PTGFR: variants seen among roughly 807,000 people sequenced by gnomAD.
PTGFR encodes prostaglandin F2-alpha receptor.
PTGFR carries 15 observed loss-of-function variants against 26.2 expected under a neutral mutation model. The observed-to-expected ratio is 0.57, with a 90% CI of 0.38 to 0.88. PTGFR has a LOEUF of 0.88. PTGFR is among the 40% of genes least tolerant of loss of function. The probability of loss-of-function intolerance (pLI) is 0.00; values close to 1 mark genes in which losing one functional copy is unlikely to be tolerated. For synonymous variants in PTGFR, 165 were observed against 151.1 expected (o/e 1.09, Z -0.68); for missense variants, 369 against 427.2 (o/e 0.86, Z 1.20).
At chr1:78,532,964 A>G (rs940398995) in intron 2 of PTGFR, among the ~76,000 whole-genome samples, 1 of 152,156 alleles carries the variant, frequency 6.6e-6, no homozygotes, top group Non-Finnish European at 1.5e-5. Flanking sequence ...AGGCTAATGT[A>G]GTCCTGGAGG....
Position 78,492,752 on chromosome 1 carries a change from G to T in PTGFR, c.9G>T (p.Met3Ile), listed in dbSNP as rs868713919. The part of the protein sequence containing the change: MS[M>I]NNSKQLVSPA... Reference sequence around the variant, plus strand: ...CTTTTATCTCCACAACAATGTCCATGAACAATTCCAAACAGCTAGTGTCTC... The same window carrying T: ...CTTTTATCTCCACAACAATGTCCATTAACAATTCCAAACAGCTAGTGTCTC... Residue 3 changes from methionine (M) to isoleucine (I), a missense_variant, in exon 2 of 3, where the codon ATG (methionine) becomes ATT (isoleucine). Transcript: ENST00000370757. The T allele has an allele frequency of 1.2e-6, 2 of 1,611,612 alleles. No individual in the cohort carries two copies. Among genetic ancestry groups the T allele is most frequent in the Admixed American group, 1.7e-5 (1 of 59,822 alleles).
intron 2 of PTGFR, among the ~76,000 whole-genome samples, chr1:78,532,695 G>A (rs1650551272): frequency 1.3e-5 from 2 of 151,568 alleles, no homozygotes; most frequent in Non-Finnish European, 2.9e-5. Context: ...AGCCTCCTGA[G>A]TAGCCGGGAC....
chr1:78,498,341 T>C (rs1019676820), intron 2 of PTGFR, among the ~76,000 whole-genome samples: 1 of 152,192 alleles, frequency 6.6e-6, no homozygotes, highest in Non-Finnish European at 1.5e-5. Flanking sequence ...TATGTTTATA[T>C]ATTTTAAGTG....
At chr1:78,491,537 C>A (rs369837305) in intron 1 of PTGFR, among the ~76,000 whole-genome samples, 1 of 152,248 alleles carries the variant, frequency 6.6e-6, no homozygotes, top group Non-Finnish European at 1.5e-5. Context: ...CTGCGAGTTC[C>A]TCACCCGGGC....
chr1:78,492,944 G>A lies in PTGFR; in HGVS notation c.201G>A (p.Leu67=), dbSNP rs1649448979. The A allele has an allele frequency of 6.2e-7, 1 of 1,614,224 alleles. No homozygotes were observed. Among genetic ancestry groups the A allele is most frequent in the Non-Finnish European group, 8.5e-7 (1 of 1,180,030 alleles). The change falls in exon 2 of 3, where the codon CTG becomes CTA. Residue 67 remains leucine, a synonymous_variant. Coordinates refer to ENST00000370757, the MANE Select transcript of PTGFR (RefSeq NM_000959.4). ...GACAGAAGTCCAAGGCATCGTTTCT[G>A]CTTTTGGCCAGTGGCCTGGTAATCA... ...RFRQKSKASF[L]LLASGLVITD... is the part of the protein sequence containing the mutation.
Position 78,530,237 on chromosome 1 carries a change from T to C in PTGFR, c.799-6169T>C, listed in dbSNP as rs149498216. Among the ~76,000 whole-genome samples, 580 of 152,298 alleles carry C rather than the reference T, an allele frequency of 3.8e-3. 1 individual carries two copies. The highest frequency in any genetic ancestry group is 6.0e-3 in the Non-Finnish European group (406 of 68,018). Reference sequence around the variant, plus strand: ...GGGACAGATAGCTGTCCTCTGCACATTCATTGTTTTGACAGCCATCCTTCT... The same window carrying C: ...GGGACAGATAGCTGTCCTCTGCACACTCATTGTTTTGACAGCCATCCTTCT... On this transcript the variant is annotated intron_variant, in intron 2 of 2. Transcript: ENST00000370757.
rs776666361 is a variant in PTGFR at position 78,492,739 on chromosome 1, C to T, written c.-5C>T. On this transcript the variant is annotated 5_prime_UTR_variant, in exon 2 of 3. Transcript: ENST00000370757. Reference sequence around the variant, plus strand: ...CTTGAGTGGTTGGCTTTTATCTCCACAACAATGTCCATGAACAATTCCAAA... The same window carrying T: ...CTTGAGTGGTTGGCTTTTATCTCCATAACAATGTCCATGAACAATTCCAAA... 31 of 1,604,444 alleles carry T rather than the reference C, an allele frequency of 1.9e-5. No individual in the cohort carries two copies. Among genetic ancestry groups the T allele is most frequent in the African/African-American group, 2.7e-5 (2 of 74,594 alleles).
intron 2 of PTGFR, among the ~76,000 whole-genome samples, chr1:78,504,623 T>C (rs1649783217): frequency 6.6e-6 from 1 of 152,194 alleles, no homozygotes; most frequent in Admixed American, 6.5e-5. Flanking sequence ...GTTTAAAAAA[T>C]GCTTTTCTCA....
chr1:78,536,619 A>G lies in PTGFR; in HGVS notation c.1012A>G (p.Ile338Val), dbSNP rs140723645. 7,784 of 1,613,254 alleles carry G rather than the reference A, an allele frequency of 4.8e-3. 31 individuals are homozygous for G. The highest frequency in any genetic ancestry group is 6.2e-3 in the Non-Finnish European group (7,326 of 1,179,542). The change falls in exon 3 of 3, where the codon ATT becomes GTT. Residue 338 changes from isoleucine to valine, a missense_variant. Ile to Val is a conservative substitution (Grantham distance 29). Transcript: ENST00000370757. ...ISLHIWELSS[I>V]KNSLKVAAIS... ...CTTACATATTTGGGAGCTTAGTTCC[A>G]TTAAAAATTCCTTAAAGGTTGCTGC...
intron 2 of PTGFR, among the ~76,000 whole-genome samples, chr1:78,526,761 C>T (rs923950879): frequency 6.6e-6 from 1 of 151,964 alleles, no homozygotes; most frequent in African/African-American, 2.4e-5. Flanking sequence ...GAATGAGGTG[C>T]CTTGGTGAAG....
At chr1:78,511,252 G>T (rs754972251) in intron 2 of PTGFR, among the ~76,000 whole-genome samples, 4 of 152,224 alleles carry the variant, frequency 2.6e-5, no homozygotes, top group Non-Finnish European at 4.4e-5. Flanking sequence ...CCCTAGTAGA[G>T]GCTTTCTGTG....
At chr1:78,512,625 T>G (rs28817956) in intron 2 of PTGFR, among the ~76,000 whole-genome samples, 1,548 of 152,262 alleles carry the variant, frequency 0.01, 26 homozygotes, top group African/African-American at 0.036. Flanking sequence ...ATTCATGAGG[T>G]TTCTACCCCT....
chr1:78,498,855 C>T (rs184909032), intron 2 of PTGFR, among the ~76,000 whole-genome samples: 145 of 152,220 alleles, frequency 9.5e-4, no homozygotes, highest in Non-Finnish European at 1.4e-3. Context: ...CTTTGTGAAG[C>T]GTGAGTGTCC....
chr1:78,532,831 A>G (rs1326400774), intron 2 of PTGFR, among the ~76,000 whole-genome samples: 1 of 152,128 alleles, frequency 6.6e-6, no homozygotes, highest in Non-Finnish European at 1.5e-5. Context: ...GAATAATTTG[A>G]AAAATAAGCA....
chr1:78,498,631 C>A (rs138599803), intron 2 of PTGFR, among the ~76,000 whole-genome samples: 2 of 152,190 alleles, frequency 1.3e-5, no homozygotes, highest in African/African-American at 2.4e-5. Flanking sequence ...ATATTAGAAG[C>A]CTAAACTTCA....
intron 2 of PTGFR, among the ~76,000 whole-genome samples, chr1:78,495,145 G>A (rs1570267504): frequency 6.6e-6 from 1 of 152,316 alleles, no homozygotes; most frequent in African/African-American, 2.4e-5. Flanking sequence ...GGTCATAAGA[G>A]CTCACCCAAG....
At chr1:78,495,154 A>G (rs1184946632) in intron 2 of PTGFR, among the ~76,000 whole-genome samples, 1 of 152,222 alleles carries the variant, frequency 6.6e-6, no homozygotes, top group Non-Finnish European at 1.5e-5. Context: ...AGCTCACCCA[A>G]GGGGAGAGTG....
At chr1:78,498,264 G>C (rs931595788) in intron 2 of PTGFR, among the ~76,000 whole-genome samples, 5 of 152,242 alleles carry the variant, frequency 3.3e-5, no homozygotes, top group Admixed American at 3.3e-4. Flanking sequence ...TTTAAGAATG[G>C]TGTAATGGAA....
At position 78,493,501 on chromosome 1, in the gene PTGFR, C is replaced by A. The variant is rs145816454; in HGVS notation, c.758C>A (p.Ala253Glu). The part of the protein sequence containing the change: ...HHLEMVIQLL[A>E]IMCVSCICWS... ...TTGGAAATGGTAATCCAGCTCCTGG[C>A]GATAATGTGTGTCTCCTGTATTTGT... Residue 253 changes from alanine to glutamate, a missense_variant, in exon 2 of 3, where the codon GCG becomes GAG. Ala to Glu is a moderately radical substitution (Grantham distance 107, BLOSUM62 -1). Coordinates refer to ENST00000370757, the MANE Select transcript of PTGFR (RefSeq NM_000959.4). 7 of 1,571,442 alleles carry A rather than the reference C, an allele frequency of 4.5e-6. No individual in the cohort carries two copies. The highest frequency in any genetic ancestry group is 2.2e-5 in the East Asian group (1 of 44,456).
Sources: gnomAD v4.1 joint callset for allele counts (sites outside exome capture counted in the v4.1 genomes callset) on GRCh38, gnomAD v4.1.1 for gene constraint, MANE v1.5 for transcripts, NCBI Gene and HGNC (gene_info 2026-07-23, HGNC 2026-07-21) for gene names.